The following SIGLEC12 variants were observed in gnomAD, a reference collection of about 807,000 sequenced individuals.
SIGLEC12 encodes the protein sialic acid binding Ig like lectin 12, also known as sialic acid-binding Ig-like lectin 12.
Under a neutral mutation model 54.1 loss-of-function variants are expected in SIGLEC12, and 43 were observed. The ratio of observed to expected loss-of-function variants is 0.80; its 90% CI spans 0.62 to 1.03. SIGLEC12 has a LOEUF of 1.03. SIGLEC12 is among the 50% of genes least tolerant of loss of function. The pLI, the probability that SIGLEC12 is intolerant of heterozygous loss-of-function variation, is 0.00. For missense variants in SIGLEC12, 802 were observed against 735.2 expected (o/e 1.09, Z -1.05); for synonymous variants, 357 against 307.6 (o/e 1.16, Z -1.68).
At position 51,499,163 on chromosome 19, in the gene SIGLEC12, A is replaced by G. The variant is rs201806540; in HGVS notation, c.1135+7T>C. 6 of 1,613,904 alleles carry G rather than the reference A, an allele frequency of 3.7e-6. No individual in the cohort carries two copies. The highest frequency in any genetic ancestry group is 1.3e-5 in the African/African-American group (1 of 74,914). On this transcript the variant is annotated splice_region_variant and intron_variant, in intron 4 of 7. Transcript: ENST00000291707. ...CCTCCAGCCCCAGGGAGAGGACTCC[A>G]TCTTACCTGTGCCATCTCCTTGGAA...
In SIGLEC12 at chr19:51,497,436, C is replaced by T. The variant is rs1321420172; in HGVS notation, c.1415G>A (p.Arg472Lys). The T allele has an allele frequency of 1.1e-5, 18 of 1,610,708 alleles. No homozygotes were observed. The highest frequency in any genetic ancestry group is 2.2e-5 in the East Asian group (1 of 44,758). Residue 472 changes from arginine (R) to lysine (K), a missense_variant, in exon 6 of 8, where the codon AGG becomes AAG. By Grantham distance (26) the Arg-to-Lys change is conservative (BLOSUM62 2). Transcript: ENST00000291707. ...CCCTAGCGTCACTCCTGATATAGGC[C>T]TCATTTTGCCTGAGGATGGATTGGA... ...SLQNEYTGKM[R>K]PISGVTLGAF... is the part of the protein sequence containing the mutation.
chr19:51,491,556 G>T lies in SIGLEC12; in HGVS notation c.*85C>A. On this transcript the variant is annotated 3_prime_UTR_variant, in exon 8 of 8. Coordinates refer to ENST00000291707, the MANE Select transcript of SIGLEC12 (RefSeq NM_053003.4). ...GATGTCCTGTTGCACAGCATGGAGG[G>T]CTGTTAATTCTAAAGGAATCAGTCT... The T allele has an allele frequency of 1.5e-6, 2 of 1,295,196 alleles. No individual in the cohort carries two copies. The highest frequency in any genetic ancestry group is 2.2e-6 in the Non-Finnish European group (2 of 901,180). 80.2% of individuals were successfully genotyped at this position (1,295,196 alleles called of 1,614,324 possible). A position where few individuals can be genotyped will look rare whatever the true frequency, so the allele number is the denominator to read the frequency against.
Position 51,496,932 on chromosome 19 carries a change from A to G in SIGLEC12, c.1547T>C (p.Val516Ala). ...RKKSARPAVG[V>A]GDTGMEDANA... ...TGCGTCCTCCATGCCTGTATCCCCC[A>G]CGCCCACTGCTGGCCTTGCCGATTT... Residue 516 changes from valine (V) to alanine (A), a missense_variant, in exon 7 of 8, where the codon GTG becomes GCG. Val to Ala is a moderately conservative substitution (Grantham distance 64). Coordinates refer to ENST00000291707, the MANE Select transcript of SIGLEC12 (RefSeq NM_053003.4). 6.2e-7 allele frequency: 1 copy of G among 1,613,704 alleles called. No individual in the cohort carries two copies. The highest frequency in any genetic ancestry group is 8.5e-7 in the Non-Finnish European group (1 of 1,179,990).
In SIGLEC12 at chr19:51,501,690, C is replaced by G; in HGVS notation, c.44G>C (p.Arg15Thr). Reference protein sequence around the residue: ...LLLLPPLLCGRVGAKEQKDYL... With the variant: ...LLLLPPLLCGTVGAKEQKDYL... ...ATCCTTCTGTTCCTTAGCCCCCACT[C>G]TCCCACAGAGCAGGGGTGGCAGCAG... is the stretch of plus-strand genomic sequence containing the variant. Residue 15 changes from arginine (R) to threonine (T), a missense_variant, in exon 1 of 8, where the codon AGA becomes ACA. Arg to Thr is a moderately conservative substitution (Grantham distance 71). Transcript: ENST00000291707. 1 of 1,613,744 alleles carries G rather than the reference C, an allele frequency of 6.2e-7. No individual in the cohort carries two copies.
intron 5 of SIGLEC12, among the ~76,000 whole-genome samples, chr19:51,497,675 A>G (rs1272110089): frequency 6.6e-6 from 1 of 152,242 alleles, no homozygotes; most frequent in African/African-American, 2.4e-5. Context: ...ATTTTACAAT[A>G]ATTTTTAATT....
At chr19:51,497,278 G>T in intron 6 of SIGLEC12, 71 bp downstream of exon 6, 1 of 1,385,936 alleles carries the variant, frequency 7.2e-7, no homozygotes, top group Non-Finnish European at 1.0e-6. Flanking sequence ...GTCCTTCCAG[G>T]TCTGGCTTCA....
Position 51,501,577 on chromosome 19 carries a change from A to G in SIGLEC12, c.157T>C (p.Trp53Arg). The G allele has an allele frequency of 6.2e-7, 1 of 1,613,948 alleles. No individual in the cohort carries two copies. The stretch of plus-strand genomic sequence containing the variant: ...CCATGAACTGGATCGGAGGCAGTCC[A>G]GCCATTTTGGGGGTAGGAGAAGGAG... ...LCSFSYPQNG[W>R]TASDPVHGYW... Residue 53 changes from tryptophan to arginine, a missense_variant, in exon 1 of 8, where the codon TGG becomes CGG. By Grantham distance (101) the Trp-to-Arg change is moderately radical (BLOSUM62 -3). Coordinates refer to ENST00000291707, the MANE Select transcript of SIGLEC12 (RefSeq NM_053003.4).
At chr19:51,497,612 C>T (rs1990277219) in intron 5 of SIGLEC12, among the ~76,000 whole-genome samples, 167 bp from the exon 6 acceptor site, 1 of 152,228 alleles carries the variant, frequency 6.6e-6, no homozygotes, top group Non-Finnish European at 1.5e-5. Flanking sequence ...CATGAGAGTG[C>T]TGGGTGCAGT....
chr19:51,500,829 G>A lies in SIGLEC12; in HGVS notation c.427+478C>T, dbSNP rs1209818181. On this transcript the variant is annotated intron_variant, in intron 1 of 7. Transcript: ENST00000291707. Reference sequence around the variant, plus strand: ...TGCTGCCCTTGGTTTGCGCCAGGAAGTGCTTCCTCCCTGGCCTGGCCTGAG... The same window carrying A: ...TGCTGCCCTTGGTTTGCGCCAGGAAATGCTTCCTCCCTGGCCTGGCCTGAG... 4.6e-5 allele frequency among the ~76,000 whole-genome samples: 7 copies of A among 152,022 alleles called. No individual in the cohort carries two copies. The East Asian group carries it at 9.7e-4, about 21-fold the overall frequency.
At chr19:51,500,434 G>A in intron 1 of SIGLEC12, 134 bp from the exon 2 acceptor site, 1 of 1,537,886 alleles carries the variant, frequency 6.5e-7, no homozygotes, top group African/African-American at 1.4e-5. Flanking sequence ...GGAGAGGAGG[G>A]GCAGGGCTGT....
chr19:51,500,951 TGGGTG>T (rs1463968985), intron 1 of SIGLEC12, among the ~76,000 whole-genome samples: 1 of 152,064 alleles, frequency 6.6e-6, no homozygotes, highest in African/African-American at 2.4e-5. Context: ...TCTCGCTGCA[TGGGTG>T]GGGTGGGTGC....
chr19:51,496,733 G>T (rs1332553505), intron 7 of SIGLEC12, 147 bp downstream of exon 7: 1 of 818,310 alleles, frequency 1.2e-6, no homozygotes, highest in East Asian at 2.7e-5. Flanking sequence ...GGAGGGCAAT[G>T]AAAGCTGTTC....
chr19:51,499,654 G>T lies in SIGLEC12; in HGVS notation c.871C>A (p.Leu291Met). 6 of 1,614,156 alleles carry T rather than the reference G, an allele frequency of 3.7e-6. No individual in the cohort carries two copies. The highest frequency in any genetic ancestry group is 5.1e-6 in the Non-Finnish European group (6 of 1,180,020). ...CAGGCCCAGGGCACAGAGCAGGTCA[G>T]GTTCCTGGGGTGGCCAGACTCCAGG... ...GTLESGHPRN[L>M]TCSVPWACEQ... is the part of the protein sequence containing the mutation. Residue 291 changes from leucine (L) to methionine (M), a missense_variant, in exon 3 of 8, where the codon CTG (leucine) becomes ATG (methionine). Transcript: ENST00000291707.
At position 51,499,607 on chromosome 19, in the gene SIGLEC12, C is replaced by T. The variant is rs375071831; in HGVS notation, c.918G>A (p.Thr306=). The T allele has an allele frequency of 1.3e-5, 21 of 1,613,002 alleles. No individual in the cohort carries two copies. The highest frequency in any genetic ancestry group is 4.4e-5 in the South Asian group (4 of 91,036). Residue 306 remains threonine, a synonymous_variant, in exon 3 of 8, where the codon ACG becomes ACA. Coordinates refer to ENST00000291707, the MANE Select transcript of SIGLEC12 (RefSeq NM_053003.4). ...ACACGGAGGCCCCCATCCAGGTGAT[C>T]GTGGGGGGCGTCCCCTGTTCACAGG... The part of the protein sequence containing the change: ...PWACEQGTPP[T]ITWMGASVSS...
At chr19:51,500,603 C>A (rs912665008) in intron 1 of SIGLEC12, among the ~76,000 whole-genome samples, 1 of 152,094 alleles carries the variant, frequency 6.6e-6, no homozygotes, top group Admixed American at 6.6e-5. Flanking sequence ...GAGAAGAGAC[C>A]GTGTCCCGCC....
At chr19:51,498,331 G>A (rs779823697) in intron 4 of SIGLEC12, 44 bp from the exon 5 acceptor site, 20 of 1,507,486 alleles carry the variant, frequency 1.3e-5, no homozygotes, top group Middle Eastern at 1.7e-4. Context: ...CAAAGTGATC[G>A]AGGCAGGGAG....
At position 51,500,016 on chromosome 19, in the gene SIGLEC12, C is replaced by T. The variant is rs1342286808; in HGVS notation, c.712G>A (p.Ala238Thr). The T allele has an allele frequency of 6.2e-7, 1 of 1,614,076 alleles. No homozygotes were observed. Among genetic ancestry groups the T allele is most frequent in the African/African-American group, 1.3e-5 (1 of 74,934 alleles). ...TACTTCCCTGAATCCCCCTTCCTGG[C>T]ATCTCTGATGCTCAGGGAGCAGTTG... ...TNNCSLSIRD[A>T]RKGDSGKYYF... The change falls in exon 2 of 8, where the codon GCC becomes ACC. Residue 238 changes from alanine to threonine, a missense_variant. Transcript: ENST00000291707.
At chr19:51,491,868 G>A (rs1467248037) in intron 7 of SIGLEC12, 39 bp from the exon 8 acceptor site, 2 of 1,482,298 alleles carry the variant, frequency 1.3e-6, no homozygotes, top group African/African-American at 2.8e-5. Flanking sequence ...GCAGAGCAGT[G>A]GGGCCAGCAT....
chr19:51,498,219 C>A lies in SIGLEC12; in HGVS notation c.1204G>T (p.Ala402Ser), dbSNP rs1990295554. The stretch of plus-strand genomic sequence containing the variant: ...CTGGCAGGGGGATTGCTGTCGACAG[C>A]ACAGACAAGGTGCAGGGACTGGCCC... ...LEGQSLHLVC[A>S]VDSNPPARLS... is the part of the protein sequence containing the mutation. Residue 402 changes from alanine to serine, a missense_variant, in exon 5 of 8, where the codon GCT becomes TCT. By Grantham distance (99) the Ala-to-Ser change is moderately conservative. Coordinates refer to ENST00000291707, the MANE Select transcript of SIGLEC12 (RefSeq NM_053003.4). The A allele has an allele frequency of 6.2e-7, 1 of 1,614,124 alleles. No homozygotes were observed. The highest frequency in any genetic ancestry group is 2.2e-5 in the East Asian group (1 of 44,876).
Sources: gnomAD v4.1 joint callset for allele counts (sites outside exome capture counted in the v4.1 genomes callset) on GRCh38, gnomAD v4.1.1 for gene constraint, MANE v1.5 for transcripts, NCBI Gene and HGNC (gene_info 2026-07-23, HGNC 2026-07-21) for gene names.